The following GADL1 variants were observed in gnomAD, a reference collection of about 807,000 sequenced individuals.
GADL1 encodes the protein GAD like acidic amino acid decarboxylase 1, also known as acidic amino acid decarboxylase GADL1.
A neutral mutation model predicts 69.5 loss-of-function variants in GADL1; 71 were observed. The ratio of observed to expected loss-of-function variants is 1.02; its 90% CI spans 0.84 to 1.25. The LOEUF is 1.25. Among genes scored for constraint, GADL1 ranks in the 50% most tolerant of loss-of-function variants. GADL1 has a pLI of 0.00. For missense variants in GADL1, 737 were observed against 631.8 expected (o/e 1.17, Z -1.79); for synonymous variants, 254 against 214.4 (o/e 1.18, Z -1.62).
intron 14 of GADL1, among the ~76,000 whole-genome samples, chr3:30,749,752 TC>T (rs1695771416): frequency 6.6e-6 from 1 of 152,212 alleles, no homozygotes; most frequent in Non-Finnish European, 1.5e-5. Context: ...CTGAGTGGTT[TC>T]ATTCGCCCCA....
chr3:30,880,873 CAAGA>C (rs1698632822), intron 1 of GADL1, among the ~76,000 whole-genome samples: 1 of 151,768 alleles, frequency 6.6e-6, no homozygotes. Context: ...AATTAGACCT[CAAGA>C]AAGCTCCTAA....
intron 13 of GADL1, among the ~76,000 whole-genome samples, chr3:30,780,204 G>T (rs1231946535): frequency 6.6e-6 from 1 of 152,186 alleles, no homozygotes; most frequent in Non-Finnish European, 1.5e-5. Context: ...TAGGTAGCTT[G>T]CAGTGATTTC....
intron 11 of GADL1, among the ~76,000 whole-genome samples, chr3:30,821,975 AATT>A (rs1639163669): frequency 6.6e-6 from 1 of 152,038 alleles, no homozygotes; most frequent in African/African-American, 2.4e-5. Flanking sequence ...TTTTATTACA[AATT>A]ATTTTCACTT....
chr3:30,873,273 A>G (rs773084677), intron 1 of GADL1, among the ~76,000 whole-genome samples: 17 of 151,980 alleles, frequency 1.1e-4, no homozygotes, highest in Non-Finnish European at 2.2e-4. Context: ...CACTTTATAT[A>G]TTTATATACA....
chr3:30,835,739 A>G (rs1027341937), intron 9 of GADL1, among the ~76,000 whole-genome samples: 2 of 152,006 alleles, frequency 1.3e-5, no homozygotes, highest in African/African-American at 4.8e-5. Context: ...CATCAACTCC[A>G]TGGGGTCCCC....
intron 2 of GADL1, among the ~76,000 whole-genome samples, chr3:30,857,369 A>G (rs548896970): frequency 2.0e-5 from 3 of 152,068 alleles, no homozygotes; most frequent in Non-Finnish European, 2.9e-5. Flanking sequence ...AGTGATACTG[A>G]TATCTAAGTT....
intron 9 of GADL1, among the ~76,000 whole-genome samples, chr3:30,837,239 ATAT>A (rs1478149033): frequency 6.6e-6 from 1 of 152,148 alleles, no homozygotes; most frequent in African/African-American, 2.4e-5. Context: ...CAATTTGTTA[ATAT>A]TTTCTTTAAT....
chr3:30,783,708 C>T (rs974253646), intron 13 of GADL1, among the ~76,000 whole-genome samples: 3 of 152,096 alleles, frequency 2.0e-5, no homozygotes, highest in Admixed American at 6.6e-5. Flanking sequence ...TTCTGGAAAA[C>T]CATTTAGAAA....
chr3:30,747,743 T>G (rs1283028024), intron 14 of GADL1, among the ~76,000 whole-genome samples: 1 of 152,190 alleles, frequency 6.6e-6, no homozygotes, highest in Non-Finnish European at 1.5e-5. Context: ...CCACTTCCTT[T>G]GTTTATCCTA....
At chr3:30,765,876 C>T (rs768587850) in intron 14 of GADL1, among the ~76,000 whole-genome samples, 2 of 152,060 alleles carry the variant, frequency 1.3e-5, no homozygotes, top group South Asian at 2.1e-4. Context: ...CTGTTTCTCT[C>T]GCCTCTAGCT....
chr3:30,792,782 A>G (rs1172906229), intron 12 of GADL1, among the ~76,000 whole-genome samples: 2 of 152,172 alleles, frequency 1.3e-5, no homozygotes, highest in Non-Finnish European at 2.9e-5. Flanking sequence ...GGCTATAGCA[A>G]AAGCACTTTA....
At chr3:30,819,032 C>T (rs1697523939) in intron 11 of GADL1, among the ~76,000 whole-genome samples, 1 of 152,064 alleles carries the variant, frequency 6.6e-6, no homozygotes, top group Non-Finnish European at 1.5e-5. Context: ...ATCCCAGGCA[C>T]TCTTATGCCT....
chr3:30,801,070 A>G lies in GADL1; in HGVS notation c.1069T>C (p.Tyr357His). The G allele has an allele frequency of 6.2e-7, 1 of 1,612,290 alleles. No homozygotes were observed. Among genetic ancestry groups the G allele is most frequent in the Non-Finnish European group, 8.5e-7 (1 of 1,179,188 alleles). Residue 357 changes from tyrosine to histidine, a missense_variant, in exon 12 of 15, where the codon TAC (tyrosine) becomes CAC (histidine). Transcript: ENST00000282538. ...AAGAGGTAAGATGCCTTGGCAGAGT[A>G]GCATTTTTTAAGAAGATCCTTCGAA... is the stretch of plus-strand genomic sequence containing the variant. ...KDKSDLLKKC[Y>H]SAKASYLFQQ...
Position 30,729,677 on chromosome 3 carries a change from T to C in GADL1, c.1393-1262A>G, listed in dbSNP as rs150331173. On this transcript the variant is annotated intron_variant, in intron 14 of 14. Coordinates refer to ENST00000282538, the MANE Select transcript of GADL1 (RefSeq NM_207359.3). Reference sequence around the variant, plus strand: ...TGACACTCAACACAATCTTGATCTGTTCCAAAGCTGATGAAAAAATTGGGT... The same window carrying C: ...TGACACTCAACACAATCTTGATCTGCTCCAAAGCTGATGAAAAAATTGGGT... Among the ~76,000 whole-genome samples the C allele has an allele frequency of 1.5e-3, 233 of 152,322 alleles. 1 individual carries two copies. Among genetic ancestry groups the C allele is most frequent in the African/African-American group, 5.4e-3 (226 of 41,572 alleles).
intron 1 of GADL1, among the ~76,000 whole-genome samples, chr3:30,878,432 G>A (rs1255158793): frequency 1.3e-5 from 2 of 151,768 alleles, no homozygotes; most frequent in African/African-American, 2.4e-5. Flanking sequence ...CCTACTTTAG[G>A]TATAGAAATG....
chr3:30,809,648 T>A (rs1697317272), intron 11 of GADL1, among the ~76,000 whole-genome samples: 2 of 152,198 alleles, frequency 1.3e-5, no homozygotes, highest in Non-Finnish European at 2.9e-5. Context: ...TTCCTTCCCA[T>A]GATCTCTTGT....
chr3:30,773,937 GTGATTTGTCAATT>G (rs1218729219), intron 14 of GADL1, among the ~76,000 whole-genome samples: 2 of 152,120 alleles, frequency 1.3e-5, no homozygotes, highest in African/African-American at 4.8e-5. Context: ...AAAAACTACA[GTGATTTGTCAATT>G]TGATTAGTGA....
intron 2 of GADL1, among the ~76,000 whole-genome samples, chr3:30,857,708 T>TCAAAGTAAAACCTGAGGTCCTTA (rs1698252299): frequency 6.6e-6 from 1 of 151,936 alleles, no homozygotes; most frequent in African/African-American, 2.4e-5. Context: ...CCTGTTTCTT[T>TCAAAGTAAAACCTGAGGTCCTTA]CAAAGTAAAA....
chr3:30,838,786 G>T (rs1418064260), intron 9 of GADL1, among the ~76,000 whole-genome samples: 1 of 152,018 alleles, frequency 6.6e-6, no homozygotes, highest in Non-Finnish European at 1.5e-5. Context: ...AAGCAAAATG[G>T]AATCCAGAAA....
Sources: gnomAD v4.1 joint callset for allele counts (sites outside exome capture counted in the v4.1 genomes callset) on GRCh38, gnomAD v4.1.1 for gene constraint, MANE v1.5 for transcripts, NCBI Gene and HGNC (gene_info 2026-07-23, HGNC 2026-07-21) for gene names.